Variants in TEX14 observed in about 807,000 individuals in gnomAD.
The protein encoded by TEX14 is testis expressed 14, intercellular bridge forming factor.
TEX14 carries 168 observed loss-of-function variants against 178.6 expected under a neutral mutation model. The observed-to-expected ratio is 0.94, with a 90% CI of 0.83 to 1.07. The LOEUF (loss-of-function observed/expected upper bound fraction) is 1.07, where lower values mean the gene tolerates loss of function less well. Among genes scored for constraint, TEX14 ranks in the 50% least tolerant of loss-of-function variants. The pLI, the probability that TEX14 is intolerant of heterozygous loss-of-function variation, is 0.00. For missense variants in TEX14, 1,730 were observed against 1,753.6 expected, an observed-to-expected ratio of 0.99 and a Z score of 0.24; for synonymous variants, 626 against 634.1, an observed-to-expected ratio of 0.99 and a Z score of 0.19.
intron 1 of TEX14, chr17:58,661,372 G>C (rs2047106684): frequency 1.1e-6 from 1 of 923,696 alleles, no homozygotes. Context: ...ACTTCAGGTC[G>C]GTGGAAGTAA....
In TEX14 at chr17:58,601,873, A is replaced by G. The variant is rs1359253764; in HGVS notation, c.1611T>C (p.Tyr537=). Reference sequence around the variant, plus strand: ...TGGGGTGTTCTGAAGTCAGTCCTAGATAGACATTGACATCGGGATGGAGTC... The same window carrying G: ...TGGGGTGTTCTGAAGTCAGTCCTAGGTAGACATTGACATCGGGATGGAGTC... ...RYGLHPDVNV[Y]LGLTSEHPRE... Residue 537 remains tyrosine, a synonymous_variant, in exon 13 of 32, where the codon TAT becomes TAC. Transcript: ENST00000349033. The G allele has an allele frequency of 3.1e-6, 5 of 1,613,316 alleles. No homozygotes were observed. The Middle Eastern group carries it at 5.4e-4, about 174-fold the overall frequency.
chr17:58,658,086 T>G (rs1198877704), intron 1 of TEX14, among the ~76,000 whole-genome samples: 1 of 152,216 alleles, frequency 6.6e-6, no homozygotes, highest in Non-Finnish European at 1.5e-5. Context: ...CCCTGACCAA[T>G]TAGCACTCCT....
rs200052605 is a variant in TEX14, at chr17:58,622,848, T to C, written c.416A>G (p.Gln139Arg). Residue 139 changes from glutamine to arginine, a missense_variant and splice_region_variant, in exon 4 of 32, where the codon CAG becomes CGG. Gln to Arg is a conservative substitution (Grantham distance 43). Coordinates refer to ENST00000349033, the MANE Select transcript of TEX14 (RefSeq NM_031272.5). Reference protein sequence around the residue: ...ALTAGKERSTQIVEFMQRCAS... With the variant: ...ALTAGKERSTRIVEFMQRCAS... ...CTACAGAGTGGGACCCACCCTTACC[T>C]GGGTGCTACGCTCCTTTCCTGCTGT... is the stretch of plus-strand genomic sequence containing the variant. The C allele has an allele frequency of 1.0e-4, 161 of 1,605,374 alleles. No homozygotes were observed. Among genetic ancestry groups the C allele is most frequent in the Non-Finnish European group, 1.3e-4 (156 of 1,173,708 alleles).
At chr17:58,602,030 T>G (rs1387281126) in intron 12 of TEX14, 74 bp from the exon 13 acceptor site, 1 of 1,498,682 alleles carries the variant, frequency 6.7e-7, no homozygotes, top group African/African-American at 1.4e-5. Context: ...AGAAACCATC[T>G]AAGTATCTGA....
At chr17:58,665,254 A>C (rs1038447777) in intron 1 of TEX14, among the ~76,000 whole-genome samples, 3 of 151,882 alleles carry the variant, frequency 2.0e-5, no homozygotes, top group Non-Finnish European at 4.4e-5. Flanking sequence ...AGCCTCCCAA[A>C]GTACTGGGAT....
At chr17:58,680,211 C>T (rs749934473) in intron 1 of TEX14, among the ~76,000 whole-genome samples, 1 of 151,996 alleles carries the variant, frequency 6.6e-6, no homozygotes, top group Non-Finnish European at 1.5e-5. Context: ...CAGGCGCGCA[C>T]GGCTTTCTTG....
chr17:58,614,498 C>T lies in TEX14; in HGVS notation c.881+734G>A, dbSNP rs566827173. On this transcript the variant is annotated intron_variant, in intron 8 of 31. Transcript: ENST00000349033. ...GAGCGAGACTCAATCCTACCCTCCC[C>T]GCAAAAAAAATAGGAAGAAATATGT... Among the ~76,000 whole-genome samples the T allele has an allele frequency of 4.6e-5, 7 of 152,046 alleles. No individual in the cohort carries two copies. The South Asian group carries it at 1.0e-3, about 23-fold the overall frequency.
chr17:58,628,634 C>A (rs1238422531), intron 3 of TEX14, among the ~76,000 whole-genome samples: 4 of 152,096 alleles, frequency 2.6e-5, no homozygotes, highest in Non-Finnish European at 4.4e-5. Flanking sequence ...ATCACTTGAA[C>A]CTCGGAGGCA....
At chr17:58,638,622 T>C (rs1308325679) in intron 2 of TEX14, among the ~76,000 whole-genome samples, 1 of 151,914 alleles carries the variant, frequency 6.6e-6, no homozygotes, top group Non-Finnish European at 1.5e-5. Context: ...TACCACAACC[T>C]CCACCTCCCA....
At chr17:58,667,499 A>G (rs2047233631) in intron 1 of TEX14, among the ~76,000 whole-genome samples, 1 of 152,228 alleles carries the variant, frequency 6.6e-6, no homozygotes, top group African/African-American at 2.4e-5. Context: ...ACTGTTTACC[A>G]TGCATCTGGA....
At chr17:58,579,853 T>C (rs1367542755) in intron 19 of TEX14, 122 bp from the exon 20 acceptor site, 13 of 783,970 alleles carry the variant, frequency 1.7e-5, no homozygotes, top group East Asian at 1.0e-4. Context: ...TGCATCTTTA[T>C]AGAAAAAGCA....
intron 3 of TEX14, among the ~76,000 whole-genome samples, chr17:58,627,591 T>G (rs2144566453): frequency 6.6e-6 from 1 of 151,682 alleles, no homozygotes; most frequent in East Asian, 1.9e-4. Flanking sequence ...GCCAACAAGG[T>G]GAAACCGCAT....
intron 1 of TEX14, among the ~76,000 whole-genome samples, chr17:58,662,919 A>C (rs900380445): frequency 2.0e-5 from 3 of 151,880 alleles, no homozygotes; most frequent in Non-Finnish European, 1.5e-5. Context: ...GGAGATCGAG[A>C]CCATGGTGAA....
intron 1 of TEX14, chr17:58,659,255 GA>G: frequency 1.3e-6 from 1 of 759,326 alleles, no homozygotes; most frequent in Non-Finnish European, 1.6e-6. Context: ...CCTCCCCCAA[GA>G]AAAACACTTT....
intron 1 of TEX14, among the ~76,000 whole-genome samples, chr17:58,690,206 G>C (rs1171122338): frequency 1.3e-5 from 2 of 151,528 alleles, no homozygotes; most frequent in Non-Finnish European, 2.9e-5. Flanking sequence ...TCGCTCTGTC[G>C]CCCAGATTGG....
At chr17:58,629,918 CTTTTT>C (rs1196670899) in intron 3 of TEX14, among the ~76,000 whole-genome samples, 1 of 116,756 alleles carries the variant, frequency 8.6e-6, no homozygotes, top group African/African-American at 3.2e-5. Context: ...TTTTTTTTTC[CTTTTT>C]TTTTTTTTTT....
chr17:58,615,251 C>A lies in TEX14; in HGVS notation c.862G>T (p.Ala288Ser). 1 of 1,612,684 alleles carries A rather than the reference C, an allele frequency of 6.2e-7. No homozygotes were observed. Among genetic ancestry groups the A allele is most frequent in the Non-Finnish European group, 8.5e-7 (1 of 1,178,846 alleles). Residue 288 changes from alanine to serine, a missense_variant, in exon 8 of 32, where the codon GCC becomes TCC. Physicochemically the swap from Ala to Ser is moderately conservative, Grantham distance 99 (BLOSUM62 1). Around this residue, in one of 2 missense-constraint regions of TEX14, gnomAD observed 789 missense variants for 681.2 expected, o/e 1.16. Coordinates refer to ENST00000349033, the MANE Select transcript of TEX14 (RefSeq NM_031272.5). Reference sequence around the variant, plus strand: ...TCTCACCTGCTGTGTTCCTGCTCGGCAATTAACAAGTCGGCCAGCCGCAGC... The same window carrying A: ...TCTCACCTGCTGTGTTCCTGCTCGGAAATTAACAAGTCGGCCAGCCGCAGC... The part of the protein sequence containing the change: ...SRLRLADLLI[A>S]EQEHSSKLRH...
Position 58,602,567 on chromosome 17 carries a change from C to A in TEX14, c.1360G>T (p.Asp454Tyr). The change falls in exon 12 of 32, where the codon GAT becomes TAT. Residue 454 changes from aspartate to tyrosine, a missense_variant. Around this residue, in one of 2 missense-constraint regions of TEX14, gnomAD observed 789 missense variants for 681.2 expected, o/e 1.16. Transcript: ENST00000349033. ...LTDDIPWKGL[D>Y]GSVVKKAVVS... is the part of the protein sequence containing the mutation. ...ACGGCTTTTTTAACAACTGAGCCAT[C>A]TAAGCCCTTCCAGGGTATGTCATCT... 6.2e-7 allele frequency: 1 copy of A among 1,613,660 alleles called. No homozygotes were observed.
In TEX14 at chr17:58,633,352, G is replaced by T. The variant is rs183104897; in HGVS notation, c.137-2798C>A. The stretch of plus-strand genomic sequence containing the variant: ...TTTCAGACTACATGAATGGCTTTGG[G>T]TACCCACAATATCCCAAGCACCTAA... On this transcript the variant is annotated intron_variant, in intron 2 of 31. Transcript: ENST00000349033. Among the ~76,000 whole-genome samples, 269 of 152,266 alleles carry T rather than the reference G, an allele frequency of 1.8e-3. 1 individual carries two copies. The highest frequency in any genetic ancestry group is 2.9e-3 in the Admixed American group (44 of 15,290).
Sources: allele counts gnomAD v4.1 joint callset (sites outside exome capture counted in the v4.1 genomes callset), GRCh38; gene constraint gnomAD v4.1.1; regional missense constraint gnomAD v4.1.1; transcripts MANE v1.5; gene names NCBI Gene and HGNC (gene_info 2026-07-23, HGNC 2026-07-21).